YTHDC2: variants seen among roughly 807,000 people sequenced by gnomAD.
YTHDC2 encodes the protein YTH N6-methyladenosine RNA binding protein C2, also known as 3'-5' RNA helicase YTHDC2.
In YTHDC2, 45 loss-of-function variants were observed where a neutral mutation model predicts 174.9. That is an observed-to-expected ratio of 0.26 (90% CI 0.20 to 0.33). The LOEUF is 0.33. Among genes scored for constraint, YTHDC2 ranks in the 10% least tolerant of loss-of-function variants. The pLI is 1.00. For synonymous variants in YTHDC2, 657 were observed against 574.5 expected, an observed-to-expected ratio of 1.14 and a Z score of -2.05; for missense variants, 1,650 against 1,723.7, an observed-to-expected ratio of 0.96 and a Z score of 0.76.
intron 3 of YTHDC2, among the ~76,000 whole-genome samples, chr5:113,525,989 G>A (rs979900062): frequency 6.6e-6 from 1 of 152,030 alleles, no homozygotes; most frequent in Non-Finnish European, 1.5e-5. Flanking sequence ...AGTTAAATGT[G>A]GATGTTGGCT....
chr5:113,577,660 G>A (rs1454150245), intron 23 of YTHDC2, among the ~76,000 whole-genome samples: 6 of 152,218 alleles, frequency 3.9e-5, no homozygotes, highest in South Asian at 2.1e-4. Flanking sequence ...GTGAGCCACC[G>A]CACCTGGCCT....
At chr5:113,574,212 A>G (rs977954218) in intron 23 of YTHDC2, among the ~76,000 whole-genome samples, 1 of 152,088 alleles carries the variant, frequency 6.6e-6, no homozygotes, top group Non-Finnish European at 1.5e-5. Flanking sequence ...CCAGTCTTCC[A>G]TAGGGCTGCT....
intron 10 of YTHDC2, among the ~76,000 whole-genome samples, chr5:113,546,209 T>C (rs1167610498): frequency 2.6e-5 from 4 of 152,234 alleles, no homozygotes; most frequent in Non-Finnish European, 5.9e-5. Context: ...ACAGTGACTT[T>C]AAAATATTTA....
intron 24 of YTHDC2, among the ~76,000 whole-genome samples, chr5:113,580,827 ATCTT>A (rs1380635208): frequency 6.6e-6 from 1 of 152,106 alleles, no homozygotes; most frequent in African/African-American, 2.4e-5. Context: ...TGTAACATTA[ATCTT>A]TCTTAATTCT....
At chr5:113,533,107 A>G (rs536595732) in intron 5 of YTHDC2, 62 bp downstream of exon 5, 1 of 1,552,176 alleles carries the variant, frequency 6.4e-7, no homozygotes, top group African/African-American at 1.4e-5. Context: ...TGTATATTTC[A>G]CTAAAAATAG....
At position 113,586,879 on chromosome 5, in the gene YTHDC2, A is replaced by C. The variant is rs548386636; in HGVS notation, c.3825+2400A>C. On this transcript the variant is annotated intron_variant, in intron 26 of 29. Coordinates refer to ENST00000161863, the MANE Select transcript of YTHDC2 (RefSeq NM_022828.5). Reference sequence around the variant, plus strand: ...TCTCTCTCTCTCTCTCTCTCTATATATATATATAATATATAAATATATATT... The same window carrying C: ...TCTCTCTCTCTCTCTCTCTCTATATCTATATATAATATATAAATATATATT... Among the ~76,000 whole-genome samples the C allele has an allele frequency of 3.6e-4, 49 of 135,902 alleles. 2 individuals carry two copies. Among genetic ancestry groups the C allele is most frequent in the South Asian group, 1.1e-3 (5 of 4,586 alleles). The allele number at this position is 135,902 out of a possible 152,430, so 89.2% of individuals were successfully genotyped here.
chr5:113,529,308 G>GTAGGC (rs1203372379), intron 4 of YTHDC2, among the ~76,000 whole-genome samples: 2 of 152,172 alleles, frequency 1.3e-5, no homozygotes, highest in Non-Finnish European at 2.9e-5. Context: ...AAGTGATAGA[G>GTAGGC]TAGGAATCTT....
chr5:113,529,113 G>C (rs768786814), intron 4 of YTHDC2, among the ~76,000 whole-genome samples: 1 of 151,842 alleles, frequency 6.6e-6, no homozygotes, highest in African/African-American at 2.4e-5. Context: ...TAGTATTCGT[G>C]AACATTTTTG....
intron 10 of YTHDC2, among the ~76,000 whole-genome samples, chr5:113,543,554 TTA>T (rs1263358918): frequency 8.5e-5 from 13 of 152,254 alleles, no homozygotes; most frequent in African/African-American, 3.1e-4. Context: ...ATTTCTGTTT[TTA>T]TGTTACTGCA....
chr5:113,561,451 A>G (rs900523830), intron 18 of YTHDC2, among the ~76,000 whole-genome samples: 2 of 142,790 alleles, frequency 1.4e-5, no homozygotes, highest in Non-Finnish European at 3.0e-5. Flanking sequence ...TTATCTATCT[A>G]TCTATCTATC....
chr5:113,534,719 C>G (rs763500186), intron 6 of YTHDC2, among the ~76,000 whole-genome samples: 1 of 151,104 alleles, frequency 6.6e-6, no homozygotes, highest in Admixed American at 6.6e-5. Flanking sequence ...TTAGAGTTCT[C>G]AAAAAAAAGG....
At chr5:113,548,466 C>T in intron 10 of YTHDC2, 75 bp from the exon 11 acceptor site, 1 of 1,427,806 alleles carries the variant, frequency 7.0e-7, no homozygotes, top group Non-Finnish European at 9.4e-7. Context: ...TCTGCTATTT[C>T]AGATTTTTTA....
At chr5:113,569,147 T>C (rs1319109098) in intron 23 of YTHDC2, among the ~76,000 whole-genome samples, 1 of 152,214 alleles carries the variant, frequency 6.6e-6, no homozygotes, top group Non-Finnish European at 1.5e-5. Flanking sequence ...CATGTACATC[T>C]TTTGAAAAGT....
chr5:113,540,007 T>A (rs1437528017), intron 8 of YTHDC2, among the ~76,000 whole-genome samples: 2 of 152,156 alleles, frequency 1.3e-5, no homozygotes, highest in East Asian at 3.8e-4. Flanking sequence ...TCTCAAGGGA[T>A]CCTCCCACCT....
At chr5:113,589,538 G>A (rs1334848169) in intron 26 of YTHDC2, among the ~76,000 whole-genome samples, 1 of 150,970 alleles carries the variant, frequency 6.6e-6, no homozygotes, top group African/African-American at 2.4e-5. Context: ...AACAACCTGG[G>A]CAACATAGGA....
chr5:113,572,361 T>G (rs1777780870), intron 23 of YTHDC2, among the ~76,000 whole-genome samples: 1 of 152,254 alleles, frequency 6.6e-6, no homozygotes, highest in East Asian at 1.9e-4. Flanking sequence ...CTTTTACATT[T>G]ACTGAGGAGT....
rs1034096712 is a variant in YTHDC2, at chr5:113,567,229, A to T, written c.2980A>T (p.Thr994Ser). 3 of 1,613,686 alleles carry T rather than the reference A, an allele frequency of 1.9e-6. No individual in the cohort carries two copies. Among genetic ancestry groups the T allele is most frequent in the Non-Finnish European group, 2.5e-6 (3 of 1,179,856 alleles). ...VHVDRENLVL[T>S]GPKEKKVRFH... The stretch of plus-strand genomic sequence containing the variant: ...CGTGGACAGAGAGAATCTAGTGTTG[A>T]CAGGGCCAAAGGAGAAAAAAGTACG... Residue 994 changes from threonine (T) to serine (S), a missense_variant, in exon 22 of 30, where the codon ACA (threonine) becomes TCA (serine). Physicochemically the swap from Thr to Ser is moderately conservative, Grantham distance 58. Around this residue, in one of 5 missense-constraint regions of YTHDC2, gnomAD observed 913 missense variants for 940.4 expected, o/e 0.97. Transcript: ENST00000161863.
At position 113,579,634 on chromosome 5, in the gene YTHDC2, C is replaced by G; in HGVS notation, c.3293C>G (p.Thr1098Ser). The change falls in exon 24 of 30, where the codon ACT becomes AGT. Residue 1098 changes from threonine (T) to serine (S), a missense_variant. Physicochemically the swap from Thr to Ser is moderately conservative, Grantham distance 58 (BLOSUM62 1). This residue lies in a region of YTHDC2 where 913 missense variants were observed against 940.4 expected (regional missense o/e 0.97). Coordinates refer to ENST00000161863, the MANE Select transcript of YTHDC2 (RefSeq NM_022828.5). ...DSSDSEMEDK[T>S]TANLAALKLD... ...AGTGATAGTGAAATGGAGGACAAAA[C>G]TACAGCTAATTTGGCAGCCTTGAAA... The G allele has an allele frequency of 6.2e-7, 1 of 1,610,846 alleles. No homozygotes were observed. Among genetic ancestry groups the G allele is most frequent in the Non-Finnish European group, 8.5e-7 (1 of 1,178,232 alleles).
chr5:113,577,750 TA>T (rs959659273), intron 23 of YTHDC2, among the ~76,000 whole-genome samples: 1 of 152,176 alleles, frequency 6.6e-6, no homozygotes, highest in Non-Finnish European at 1.5e-5. Flanking sequence ...AAATTTATCT[TA>T]AAAAATATAT....
Sources: allele counts gnomAD v4.1 joint callset (sites outside exome capture counted in the v4.1 genomes callset), GRCh38; gene constraint gnomAD v4.1.1; regional missense constraint gnomAD v4.1.1; transcripts MANE v1.5; gene names NCBI Gene and HGNC (gene_info 2026-07-23, HGNC 2026-07-21).